Variants in ANKRD30A observed in about 807,000 individuals in gnomAD.
ANKRD30A encodes ankyrin repeat domain 30A.
Under a neutral mutation model 166.3 loss-of-function variants are expected in ANKRD30A, and 170 were observed. The ratio of observed to expected loss-of-function variants is 1.02; its 90% CI spans 0.90 to 1.16. The LOEUF is 1.16. Among genes scored for constraint, ANKRD30A ranks in the 50% most tolerant of loss-of-function variants. The pLI is 0.00. For missense variants in ANKRD30A, 1,630 were observed against 1,518.0 expected, an observed-to-expected ratio of 1.07 and a Z score of -1.23; for synonymous variants, 564 against 508.9, an observed-to-expected ratio of 1.11 and a Z score of -1.46.
chr10:37,194,315 CT>C (rs892584072), intron 27 of ANKRD30A, among the ~76,000 whole-genome samples: 3 of 151,794 alleles, frequency 2.0e-5, no homozygotes, highest in African/African-American at 7.2e-5. Context: ...AATTTTCTTC[CT>C]TTTTTTTGTT....
chr10:37,202,340 A>C (rs550026950), intron 31 of ANKRD30A, among the ~76,000 whole-genome samples: 1 of 152,248 alleles, frequency 6.6e-6, no homozygotes, highest in South Asian at 2.1e-4. Flanking sequence ...ACCTCACTCA[A>C]AACCACTTAA....
intron 31 of ANKRD30A, among the ~76,000 whole-genome samples, chr10:37,211,142 A>C (rs1842288692): frequency 6.6e-6 from 1 of 150,846 alleles, no homozygotes; most frequent in Non-Finnish European, 1.5e-5. Flanking sequence ...TTTATCTAGA[A>C]TTTTTTTTAT....
intron 29 of ANKRD30A, among the ~76,000 whole-genome samples, chr10:37,198,973 G>A (rs1841391929): frequency 6.6e-6 from 1 of 151,968 alleles, no homozygotes; most frequent in Non-Finnish European, 1.5e-5. Context: ...TCTTGAGTGG[G>A]CCTTGATTTT....
At chr10:37,200,226 A>G (rs1011717795) in intron 30 of ANKRD30A, among the ~76,000 whole-genome samples, 3 of 152,048 alleles carry the variant, frequency 2.0e-5, no homozygotes, top group African/African-American at 7.2e-5. Context: ...AATGCCTGGG[A>G]CTTGAACGTA....
chr10:37,146,476 C>T (rs1306445311), intron 8 of ANKRD30A, among the ~76,000 whole-genome samples: 2 of 151,790 alleles, frequency 1.3e-5, no homozygotes, highest in African/African-American at 4.8e-5. Context: ...GAGGGGGCAC[C>T]AGCTGCAGGG....
At chr10:37,151,444 C>T (rs1004543170) in intron 11 of ANKRD30A, among the ~76,000 whole-genome samples, 5 of 152,036 alleles carry the variant, frequency 3.3e-5, no homozygotes, top group Non-Finnish European at 7.4e-5. Context: ...AGAAGTATGT[C>T]ATTGTAATTG....
chr10:37,141,433 T>A (rs1260287134), intron 6 of ANKRD30A, among the ~76,000 whole-genome samples: 1 of 151,210 alleles, frequency 6.6e-6, no homozygotes, highest in Non-Finnish European at 1.5e-5. Flanking sequence ...AGCTGGGTGA[T>A]ATGGCCCACG....
chr10:37,259,602 A>G, the ANKRD30A span, among the ~76,000 whole-genome samples: 2 of 152,242 alleles, frequency 1.3e-5, no homozygotes, highest in Non-Finnish European at 2.9e-5. Flanking sequence ...TTGTGCATCA[A>G]TGGTAGAATG....
intron 25 of ANKRD30A, among the ~76,000 whole-genome samples, chr10:37,190,841 T>C (rs1840500916): frequency 6.6e-6 from 1 of 151,758 alleles, no homozygotes; most frequent in African/African-American, 2.4e-5. Flanking sequence ...TATAGATGTA[T>C]GTATGTATGT....
At chr10:37,129,271 A>G (rs565847666) in intron 1 of ANKRD30A, among the ~76,000 whole-genome samples, 1 of 152,346 alleles carries the variant, frequency 6.6e-6, no homozygotes, top group East Asian at 1.9e-4. Context: ...AATTTCTGCC[A>G]AATATAGTTG....
intron 31 of ANKRD30A, among the ~76,000 whole-genome samples, 197 bp downstream of exon 31, chr10:37,201,522 T>C (rs1164670276): frequency 2.0e-5 from 3 of 151,874 alleles, no homozygotes; most frequent in Non-Finnish European, 4.4e-5. Context: ...GAGAAGGAGG[T>C]GAATTATTAG....
chr10:37,245,851 T>A, the ANKRD30A span, among the ~76,000 whole-genome samples: 2 of 152,218 alleles, frequency 1.3e-5, no homozygotes, highest in African/African-American at 4.8e-5. Context: ...ATCTCCTGAC[T>A]TTTAGCTGGG....
intron 29 of ANKRD30A, among the ~76,000 whole-genome samples, chr10:37,199,232 G>T (rs1451179251): frequency 2.0e-5 from 3 of 152,024 alleles, no homozygotes; most frequent in Non-Finnish European, 4.4e-5. Context: ...ATGTAAAAGG[G>T]TTGGACATAT....
At chr10:37,259,046 G>A in the ANKRD30A span, among the ~76,000 whole-genome samples, 1 of 150,152 alleles carries the variant, frequency 6.7e-6, no homozygotes, top group Non-Finnish European at 1.5e-5. Flanking sequence ...AATTTCTTGA[G>A]CAAGACTAAA....
At chr10:37,225,174 A>G (rs530624708) in intron 34 of ANKRD30A, among the ~76,000 whole-genome samples, 2 of 151,392 alleles carry the variant, frequency 1.3e-5, no homozygotes, top group East Asian at 3.9e-4. Flanking sequence ...TATGGTTATA[A>G]TATCAATCCT....
intron 1 of ANKRD30A, among the ~76,000 whole-genome samples, chr10:37,127,548 C>G (rs1006613759): frequency 3.3e-5 from 5 of 152,000 alleles, no homozygotes; most frequent in African/African-American, 1.2e-4. Flanking sequence ...TAAAAATCTT[C>G]GCTTTATAGA....
intron 34 of ANKRD30A, among the ~76,000 whole-genome samples, chr10:37,224,860 C>A (rs1477583669): frequency 6.6e-6 from 1 of 151,418 alleles, no homozygotes; most frequent in African/African-American, 2.4e-5. Context: ...AGAATGTTTT[C>A]TTTCTATTTT....
rs1207287429 is a variant in ANKRD30A at position 37,218,990 on chromosome 10, C to A, written c.3278C>A (p.Thr1093Asn). Reference protein sequence around the residue: ...VESNLNQVSHTHENENYLLHE... With the variant: ...VESNLNQVSHNHENENYLLHE... Reference sequence around the variant, plus strand: ...TTTTGTTTTATTTAGGTTTCTCACACTCATGAAAATGAAAATTATCTCTTA... The same window carrying A: ...TTTTGTTTTATTTAGGTTTCTCACAATCATGAAAATGAAAATTATCTCTTA... Residue 1093 changes from threonine (T) to asparagine (N), a missense_variant, in exon 34 of 36, where the codon ACT (threonine) becomes AAT (asparagine). Coordinates refer to ENST00000361713, the MANE Select transcript of ANKRD30A (RefSeq NM_052997.3). 6.3e-7 allele frequency: 1 copy of A among 1,581,654 alleles called. No homozygotes were observed. The highest frequency in any genetic ancestry group is 1.2e-5 in the South Asian group (1 of 85,378).
At chr10:37,198,232 T>A (rs1221960912) in intron 29 of ANKRD30A, among the ~76,000 whole-genome samples, 4 of 152,222 alleles carry the variant, frequency 2.6e-5, no homozygotes, top group Non-Finnish European at 5.9e-5. Context: ...ATATTTAATA[T>A]GTACAATTTT....
Sources: gnomAD v4.1 joint callset for allele counts (sites outside exome capture counted in the v4.1 genomes callset) on GRCh38, gnomAD v4.1.1 for gene constraint, MANE v1.5 for transcripts, NCBI Gene and HGNC (gene_info 2026-07-23, HGNC 2026-07-21) for gene names.